The following CATSPERD variants were observed in gnomAD, a reference collection of about 807,000 sequenced individuals.
CATSPERD encodes cation channel sperm-associated auxiliary subunit delta.
CATSPERD carries 86 observed loss-of-function variants against 98.1 expected under a neutral mutation model. That is an observed-to-expected ratio of 0.88 (90% CI 0.74 to 1.05). The LOEUF (loss-of-function observed/expected upper bound fraction) is 1.05, where lower values mean the gene tolerates loss of function less well. Ranked by LOEUF, CATSPERD falls within the 50% of genes least tolerant of loss-of-function variation. The probability of loss-of-function intolerance (pLI) is 0.00; values close to 1 mark genes in which losing one functional copy is unlikely to be tolerated. For synonymous variants in CATSPERD, 394 were observed against 390.2 expected (o/e 1.01, Z -0.12); for missense variants, 995 against 1,005.7 (o/e 0.99, Z 0.14).
Position 5,778,385 on chromosome 19 carries a change from A to C in CATSPERD, c.2106A>C (p.Gln702His), listed in dbSNP as rs748374302. Reference sequence around the variant, plus strand: ...CCTCCCCCCACCGCAGCTACTGTCAACTGGAGACCATCTTTAGCATCTACG... The same window carrying C: ...CCTCCCCCCACCGCAGCTACTGTCACCTGGAGACCATCTTTAGCATCTACG... ...SIVDPYYSYCQLETIFSIYVY... is the reference protein window; with the variant it reads ...SIVDPYYSYCHLETIFSIYVY... The change falls in exon 22 of 22, where the codon CAA becomes CAC. Residue 702 changes from glutamine (Q) to histidine (H), a missense_variant. By Grantham distance (24) the Gln-to-His change is conservative. This residue lies in a region of CATSPERD where 762 missense variants were observed against 773.7 expected (regional missense o/e 0.98). Transcript: ENST00000381624. The C allele has an allele frequency of 2.1e-5, 33 of 1,607,760 alleles. No homozygotes were observed. Among genetic ancestry groups the C allele is most frequent in the Non-Finnish European group, 2.8e-5 (33 of 1,175,802 alleles).
At chr19:5,730,803 G>C (rs1253779708) in intron 4 of CATSPERD, among the ~76,000 whole-genome samples, 1 of 151,374 alleles carries the variant, frequency 6.6e-6, no homozygotes, top group East Asian at 2.0e-4. Context: ...AGGAGGTCAG[G>C]AGATTAAGAC....
chr19:5,734,087 C>T, intron 5 of CATSPERD, 117 bp downstream of exon 5: 1 of 632,482 alleles, frequency 1.6e-6, no homozygotes, highest in East Asian at 2.9e-5. Flanking sequence ...CAGGACATTA[C>T]TTTGTCCTTT....
Position 5,748,397 on chromosome 19 carries a change from G to A in CATSPERD, c.904+142G>A, listed in dbSNP as rs187632509. Reference sequence around the variant, plus strand: ...TGTAATTCCAGCACTTTGGGAGGCCGAGGCGGGTGGATCACCTGAGGTCAG... The same window carrying A: ...TGTAATTCCAGCACTTTGGGAGGCCAAGGCGGGTGGATCACCTGAGGTCAG... On this transcript the variant is annotated intron_variant, in intron 10 of 21. Coordinates refer to ENST00000381624, the MANE Select transcript of CATSPERD (RefSeq NM_152784.4). The A allele has an allele frequency of 1.9e-3, 1,302 of 681,398 alleles. 14 individuals carry two copies. The African/African-American group carries it at 0.02, about 10-fold the overall frequency. 42.2% of individuals were successfully genotyped at this position (681,398 alleles called of 1,614,324 possible).
At chr19:5,773,188 C>T (rs1238810070) in intron 20 of CATSPERD, among the ~76,000 whole-genome samples, 1 of 152,132 alleles carries the variant, frequency 6.6e-6, no homozygotes, top group African/African-American at 2.4e-5. Context: ...CCCGTCTCTA[C>T]TAAAAATACA....
At chr19:5,737,517 T>G (rs2055871038) in intron 6 of CATSPERD, among the ~76,000 whole-genome samples, 1 of 125,286 alleles carries the variant, frequency 8.0e-6, no homozygotes. Context: ...ACCACTGCAC[T>G]CCAGCCTGGG....
At chr19:5,741,792 GGGGGGGTGGT>G (rs2055973120) in intron 7 of CATSPERD, among the ~76,000 whole-genome samples, 1 of 96,060 alleles carries the variant, frequency 1.0e-5, no homozygotes, top group South Asian at 4.3e-4. Context: ...AGGCGGGGGG[GGGGGGGTGGT>G]GTGGATCACT....
chr19:5,768,251 G>A lies in CATSPERD; in HGVS notation c.1634+9G>A, dbSNP rs767271503. The A allele has an allele frequency of 6.2e-7, 1 of 1,611,396 alleles. No individual in the cohort carries two copies. On this transcript the variant is annotated intron_variant, in intron 18 of 21. Coordinates refer to ENST00000381624, the MANE Select transcript of CATSPERD (RefSeq NM_152784.4). ...AGCTTCATCATCGAGAAGTAAGCCA[G>A]CGTCCCCCCGCAACACCTGACACCC...
chr19:5,775,861 G>A (rs2056732925), intron 20 of CATSPERD, among the ~76,000 whole-genome samples: 1 of 152,066 alleles, frequency 6.6e-6, no homozygotes, highest in Admixed American at 6.6e-5. Context: ...CCAACATTCT[G>A]CTTTTATGAG....
intron 20 of CATSPERD, among the ~76,000 whole-genome samples, chr19:5,773,693 CTTTT>C (rs71172770): frequency 8.2e-6 from 1 of 121,372 alleles, no homozygotes; most frequent in Admixed American, 9.1e-5. Flanking sequence ...ATTTTTGTAT[CTTTT>C]TTTTTTTTTT....
chr19:5,756,952 T>A (rs2056334934), intron 13 of CATSPERD, among the ~76,000 whole-genome samples: 1 of 140,544 alleles, frequency 7.1e-6, no homozygotes. Context: ...CCAAAAAAAA[T>A]AAAAATAAAT....
At chr19:5,721,155 C>T (rs1262420818) in intron 1 of CATSPERD, among the ~76,000 whole-genome samples, 2 of 151,864 alleles carry the variant, frequency 1.3e-5, no homozygotes, top group Admixed American at 1.3e-4. Flanking sequence ...CCTGCCACCA[C>T]GCCCGGCTAA....
intron 2 of CATSPERD, among the ~76,000 whole-genome samples, chr19:5,725,181 T>C (rs1027312470): frequency 1.3e-5 from 2 of 152,184 alleles, no homozygotes; most frequent in African/African-American, 4.8e-5. Flanking sequence ...AGACAGGGTC[T>C]TGCACTGTTG....
intron 4 of CATSPERD, among the ~76,000 whole-genome samples, chr19:5,732,320 C>T (rs956030841): frequency 3.9e-5 from 6 of 151,944 alleles, no homozygotes; most frequent in African/African-American, 1.5e-4. Context: ...ATTGAGGTAT[C>T]TCAGGGCACC....
At chr19:5,729,598 T>C (rs2055674856) in intron 3 of CATSPERD, among the ~76,000 whole-genome samples, 1 of 152,234 alleles carries the variant, frequency 6.6e-6, no homozygotes, top group South Asian at 2.1e-4. Flanking sequence ...ACTAGAGCCA[T>C]ATAAATTATA....
At chr19:5,772,052 C>CT (rs745956659) in intron 19 of CATSPERD, 2,208 of 91,400 alleles carry the variant, frequency 0.024, 81 homozygotes, top group African/African-American at 0.08. Context: ...TTCCTTTTTT[C>CT]TTTTTTTTTT....
At chr19:5,761,581 T>C (rs955327187) in intron 15 of CATSPERD, among the ~76,000 whole-genome samples, 2 of 152,288 alleles carry the variant, frequency 1.3e-5, no homozygotes, top group African/African-American at 4.8e-5. Context: ...GAAGCACGAC[T>C]TGGGGGTCTT....
At chr19:5,754,293 C>A in intron 13 of CATSPERD, 48 bp downstream of exon 13, 1 of 1,343,248 alleles carries the variant, frequency 7.4e-7, no homozygotes, top group Non-Finnish European at 1.1e-6. Flanking sequence ...CAGCCACATG[C>A]CTGGTGCCCA....
At position 5,720,713 on chromosome 19, in the gene CATSPERD, G is replaced by C. The variant is rs148782724; in HGVS notation, c.-25G>C. ...GACTCCCCGTGGCGGTTGAGGGGCA[G>C]TGGTGGCGGCGGAAGCCCAAGTCGA... On this transcript the variant is annotated 5_prime_UTR_variant, in exon 1 of 22. Coordinates refer to ENST00000381624, the MANE Select transcript of CATSPERD (RefSeq NM_152784.4). 948 of 1,603,714 alleles carry C rather than the reference G, an allele frequency of 5.9e-4. 7 individuals are homozygous for C. The African/African-American group carries it at 0.011, about 19-fold the overall frequency.
At chr19:5,763,568 G>A (rs1470036548) in intron 16 of CATSPERD, among the ~76,000 whole-genome samples, 1 of 152,184 alleles carries the variant, frequency 6.6e-6, no homozygotes, top group Non-Finnish European at 1.5e-5. Flanking sequence ...AATCCTGTGT[G>A]ATTCCGCTCT....
Sources: gnomAD v4.1 joint callset for allele counts (sites outside exome capture counted in the v4.1 genomes callset) on GRCh38, gnomAD v4.1.1 for gene constraint, gnomAD v4.1.1 regional missense constraint, MANE v1.5 for transcripts, NCBI Gene and HGNC (gene_info 2026-07-23, HGNC 2026-07-21) for gene names.